The following AGMO variants were observed in gnomAD, a reference collection of about 807,000 sequenced individuals.
The protein encoded by AGMO is glyceryl-ether monooxygenase.
Under a neutral mutation model 60.2 loss-of-function variants are expected in AGMO, and 75 were observed. The observed-to-expected ratio is 1.25, with a 90% CI of 1.03 to 1.51. The LOEUF (loss-of-function observed/expected upper bound fraction) is 1.51. Among genes scored for constraint, AGMO ranks in the 40% most tolerant of loss-of-function variants. AGMO has a pLI of 0.00. For missense variants in AGMO, 763 were observed against 525.5 expected (o/e 1.45, Z -4.42); for synonymous variants, 261 against 177.1 (o/e 1.47, Z -3.76).
intron 12 of AGMO, among the ~76,000 whole-genome samples, chr7:15,226,800 T>G (rs1215466171): frequency 6.6e-6 from 1 of 152,074 alleles, no homozygotes; most frequent in Non-Finnish European, 1.5e-5. Flanking sequence ...ATTACAGATA[T>G]AACTCACTAT....
At chr7:15,407,249 A>ATATATATG (rs1275947261) in intron 5 of AGMO, among the ~76,000 whole-genome samples, 1 of 147,012 alleles carries the variant, frequency 6.8e-6, no homozygotes, top group African/African-American at 2.5e-5. Flanking sequence ...ATATATATAT[A>ATATATATG]TGTATATACT....
At chr7:15,352,536 AG>A (rs770927435) in intron 12 of AGMO, among the ~76,000 whole-genome samples, 4 of 138,780 alleles carry the variant, frequency 2.9e-5, no homozygotes, top group Non-Finnish European at 4.6e-5. Context: ...TGTTCAGGGG[AG>A]GGGGTGGTGC....
At chr7:15,216,675 T>G (rs1409113208) in intron 12 of AGMO, among the ~76,000 whole-genome samples, 1 of 152,124 alleles carries the variant, frequency 6.6e-6, no homozygotes, top group Non-Finnish European at 1.5e-5. Flanking sequence ...GTATGTCAAA[T>G]AAAATCAAGT....
At chr7:15,403,271 A>C (rs1358602736) in intron 5 of AGMO, among the ~76,000 whole-genome samples, 1 of 151,824 alleles carries the variant, frequency 6.6e-6, no homozygotes. Context: ...TGTAGTGCAG[A>C]TTTGCAAATA....
At chr7:15,214,183 G>A (rs1342179164) in intron 12 of AGMO, among the ~76,000 whole-genome samples, 1 of 151,824 alleles carries the variant, frequency 6.6e-6, no homozygotes, top group Non-Finnish European at 1.5e-5. Flanking sequence ...ACAAATCCAC[G>A]GGGAATTTGT....
At chr7:15,391,757 C>T (rs73284417) in intron 6 of AGMO, among the ~76,000 whole-genome samples, 3,402 of 152,178 alleles carry the variant, frequency 0.022, 133 homozygotes, top group African/African-American at 0.078. Context: ...AATAATGGTT[C>T]TGAATTAGTA....
intron 5 of AGMO, chr7:15,395,959 A>C (rs1167970476): frequency 6.6e-6 from 1 of 152,180 alleles, no homozygotes; most frequent in East Asian, 1.9e-4. Flanking sequence ...AAGCTGTGGC[A>C]ATGTTGCCAC....
intron 3 of AGMO, among the ~76,000 whole-genome samples, chr7:15,491,583 G>C (rs1281446792): frequency 6.6e-6 from 1 of 152,140 alleles, no homozygotes; most frequent in Non-Finnish European, 1.5e-5. Context: ...ATTAGCAACA[G>C]AAAATAAATC....
At chr7:15,124,410 C>T in the AGMO span, among the ~76,000 whole-genome samples, 1 of 151,988 alleles carries the variant, frequency 6.6e-6, no homozygotes, top group Non-Finnish European at 1.5e-5. Flanking sequence ...AATTTTCCAA[C>T]AGTCTATGTT....
chr7:15,313,736 T>C (rs1780833284), intron 12 of AGMO, among the ~76,000 whole-genome samples: 1 of 152,132 alleles, frequency 6.6e-6, no homozygotes, highest in South Asian at 2.1e-4. Flanking sequence ...ACCATATATA[T>C]ACTATATTTT....
chr7:15,472,567 T>G (rs574027155), intron 3 of AGMO, among the ~76,000 whole-genome samples: 75 of 151,982 alleles, frequency 4.9e-4, no homozygotes, highest in Non-Finnish European at 7.4e-4. Flanking sequence ...CAGTGTTGCT[T>G]TGAGAAAGAA....
At chr7:15,157,503 T>G in the AGMO span, among the ~76,000 whole-genome samples, 4 of 152,190 alleles carry the variant, frequency 2.6e-5, no homozygotes, top group Admixed American at 1.3e-4. Context: ...TATTTCTTAC[T>G]CAGCGTCCCA....
chr7:15,294,195 G>A (rs1026791710), intron 12 of AGMO, among the ~76,000 whole-genome samples: 6 of 152,022 alleles, frequency 3.9e-5, no homozygotes, highest in African/African-American at 1.4e-4. Flanking sequence ...AATCATAGTG[G>A]AATAGATATA....
chr7:15,545,420 A>C (rs1784751786), intron 2 of AGMO, among the ~76,000 whole-genome samples: 2 of 152,012 alleles, frequency 1.3e-5, no homozygotes, highest in South Asian at 2.1e-4. Context: ...TTTAGGTTAA[A>C]GTTGCTTCTG....
At chr7:15,427,024 G>A (rs1446433285) in intron 4 of AGMO, among the ~76,000 whole-genome samples, 1 of 152,086 alleles carries the variant, frequency 6.6e-6, no homozygotes, top group Non-Finnish European at 1.5e-5. Flanking sequence ...TCATTCGAAT[G>A]GTGGTCTGAA....
At chr7:15,326,007 C>G (rs1356556141) in intron 12 of AGMO, among the ~76,000 whole-genome samples, 2 of 151,980 alleles carry the variant, frequency 1.3e-5, no homozygotes, top group African/African-American at 4.8e-5. Flanking sequence ...ACTGCAGTAA[C>G]TAAGCCAAGT....
At chr7:15,400,699 G>A (rs1477571334) in intron 5 of AGMO, among the ~76,000 whole-genome samples, 1 of 152,192 alleles carries the variant, frequency 6.6e-6, no homozygotes, top group African/African-American at 2.4e-5. Flanking sequence ...AAGATAAAAA[G>A]CTAAAATGAA....
At position 15,251,268 on chromosome 7, in the gene AGMO, C is replaced by G. The variant is rs189130616; in HGVS notation, c.1264-49909G>C. Among the ~76,000 whole-genome samples the G allele has an allele frequency of 9.2e-5, 14 of 152,160 alleles. No homozygotes were observed. The East Asian group carries it at 2.5e-3, about 27-fold the overall frequency. ...CAATATGAGCCAATTAGATACCCTC[C>G]TAGAGATTTGGAATTTTGAACTTAA... On this transcript the variant is annotated intron_variant, in intron 12 of 12. Coordinates refer to ENST00000342526, the MANE Select transcript of AGMO (RefSeq NM_001004320.2).
At chr7:15,244,947 C>T (rs368670594) in intron 12 of AGMO, among the ~76,000 whole-genome samples, 144 of 152,200 alleles carry the variant, frequency 9.5e-4, no homozygotes, top group African/African-American at 2.9e-3. Context: ...CCACCACGCC[C>T]GGCCAGTATT....
Sources: allele counts gnomAD v4.1 joint callset (sites outside exome capture counted in the v4.1 genomes callset), GRCh38; gene constraint gnomAD v4.1.1; transcripts MANE v1.5; gene names NCBI Gene and HGNC (gene_info 2026-07-23, HGNC 2026-07-21).